TRPM3: variants seen among roughly 807,000 people sequenced by gnomAD.
The protein encoded by TRPM3 is long transient receptor potential channel 3.
Under a neutral mutation model 181.2 loss-of-function variants are expected in TRPM3, and 77 were observed. The ratio of observed to expected loss-of-function variants is 0.42; its 90% CI spans 0.35 to 0.51. The LOEUF is 0.51. Ranked by LOEUF, TRPM3 falls within the 20% of genes least tolerant of loss-of-function variation. TRPM3 has a pLI of 0.01. For missense variants in TRPM3, 1,759 were observed against 2,196.7 expected (o/e 0.80, Z 3.98); for synonymous variants, 745 against 796.4 (o/e 0.94, Z 1.09).
chr9:71,229,635 T>C (rs781745124), intron 1 of TRPM3, among the ~76,000 whole-genome samples: 4 of 152,124 alleles, frequency 2.6e-5, no homozygotes, highest in Non-Finnish European at 4.4e-5. Flanking sequence ...AGGATCTGAA[T>C]AGATATTTCT....
intron 8 of TRPM3, among the ~76,000 whole-genome samples, chr9:70,748,628 G>A (rs1293924941): frequency 6.6e-6 from 1 of 152,090 alleles, no homozygotes; most frequent in Non-Finnish European, 1.5e-5. Context: ...AAAGGCCTGA[G>A]GAAGCTTGCT....
intron 9 of TRPM3, among the ~76,000 whole-genome samples, chr9:70,674,260 A>C (rs1421204735): frequency 6.6e-5 from 10 of 152,180 alleles, no homozygotes. Context: ...ACACTCTGGG[A>C]TAAGTTAGTT....
At chr9:71,398,610 C>T (rs1015789321) in intron 1 of TRPM3, among the ~76,000 whole-genome samples, 1 of 152,168 alleles carries the variant, frequency 6.6e-6, no homozygotes, top group Non-Finnish European at 1.5e-5. Context: ...GTAAAACGTG[C>T]TTATTTCCCC....
chr9:70,611,851 C>CATT (rs1267961646), intron 18 of TRPM3, among the ~76,000 whole-genome samples: 2 of 152,192 alleles, frequency 1.3e-5, no homozygotes, highest in African/African-American at 4.8e-5. Context: ...AGAACAGAAT[C>CATT]ATTTCCTTTT....
intron 1 of TRPM3, among the ~76,000 whole-genome samples, chr9:71,030,076 CACAG>C (rs1315543582): frequency 3.3e-5 from 5 of 152,290 alleles, no homozygotes; most frequent in East Asian, 1.9e-4. Flanking sequence ...TCTAAGTATA[CACAG>C]ACAAATATTA....
At chr9:70,795,543 T>C (rs1414342633) in intron 6 of TRPM3, among the ~76,000 whole-genome samples, 2 of 152,184 alleles carry the variant, frequency 1.3e-5, no homozygotes, top group African/African-American at 4.8e-5. Context: ...TATGCCAAAT[T>C]ATCCAATTCC....
intron 1 of TRPM3, among the ~76,000 whole-genome samples, chr9:71,004,428 G>A (rs1243712470): frequency 2.6e-5 from 4 of 152,204 alleles, no homozygotes; most frequent in South Asian, 2.1e-4. Context: ...TCCGCAATCC[G>A]GGAAGCAACC....
intron 1 of TRPM3, among the ~76,000 whole-genome samples, chr9:71,092,148 G>T (rs2066333798): frequency 6.6e-6 from 1 of 152,108 alleles, no homozygotes; most frequent in African/African-American, 2.4e-5. Context: ...GTACTAAAAT[G>T]AAACAAATAG....
At chr9:71,159,252 G>T (rs1171658183) in intron 1 of TRPM3, among the ~76,000 whole-genome samples, 1 of 151,830 alleles carries the variant, frequency 6.6e-6, no homozygotes, top group Non-Finnish European at 1.5e-5. Flanking sequence ...AGAGCTATTT[G>T]ATAAGCTCTG....
chr9:71,078,225 C>G (rs997663759), intron 1 of TRPM3, among the ~76,000 whole-genome samples: 1 of 151,928 alleles, frequency 6.6e-6, no homozygotes, highest in African/African-American at 2.4e-5. Flanking sequence ...ATCTTTGAAA[C>G]GAAATATACA....
At chr9:71,200,434 C>T (rs1319976676) in intron 1 of TRPM3, among the ~76,000 whole-genome samples, 1 of 150,314 alleles carries the variant, frequency 6.7e-6, no homozygotes, top group Non-Finnish European at 1.5e-5. Flanking sequence ...TCCTTGTTAA[C>T]TTTCTGTCTC....
chr9:70,661,219 A>G (rs1241500470), intron 9 of TRPM3, among the ~76,000 whole-genome samples: 3 of 152,100 alleles, frequency 2.0e-5, no homozygotes, highest in Non-Finnish European at 4.4e-5. Context: ...GCAGAAAAAT[A>G]ATTTGATAAA....
chr9:70,956,968 T>C lies in TRPM3; in HGVS notation c.178-92457A>G, dbSNP rs1362357271. On this transcript the variant is annotated intron_variant, in intron 1 of 25. Transcript: ENST00000677713. ...AGTTACATTTCTTTCTTTCTTTTTT[T>C]TTTTTTTTTTGATACCAAGTCTCAC... Among the ~76,000 whole-genome samples, 378 of 150,870 alleles carry C rather than the reference T, an allele frequency of 2.5e-3. 3 individuals are homozygous for C. The highest frequency in any genetic ancestry group is 5.9e-3 in the African/African-American group (242 of 41,288).
intron 1 of TRPM3, among the ~76,000 whole-genome samples, chr9:71,290,497 T>C (rs2085715924): frequency 6.6e-6 from 1 of 152,036 alleles, no homozygotes; most frequent in Admixed American, 6.6e-5. Context: ...AACAAAGATA[T>C]TTTCAGACCA....
rs150394240 is a variant in TRPM3 at position 71,090,578 on chromosome 9, C to T, written c.177+30600G>A. 5.3e-5 allele frequency among the ~76,000 whole-genome samples: 8 copies of T among 152,264 alleles called. No homozygotes were observed. In the East Asian group the frequency reaches 1.4e-3, roughly 26 times the overall value. Reference sequence around the variant, plus strand: ...ACTGTTGCAGTGCTCTTTCCTCTTGCCTTGGCCAGTACAAAAGCAGTGGGA... The same window carrying T: ...ACTGTTGCAGTGCTCTTTCCTCTTGTCTTGGCCAGTACAAAAGCAGTGGGA... On this transcript the variant is annotated intron_variant, in intron 1 of 25. Transcript: ENST00000677713.
At chr9:71,037,229 G>A (rs1484416556) in intron 1 of TRPM3, among the ~76,000 whole-genome samples, 2 of 152,152 alleles carry the variant, frequency 1.3e-5, no homozygotes, top group African/African-American at 2.4e-5. Flanking sequence ...ATAGCAGCGA[G>A]GAAAGTTTCA....
intron 21 of TRPM3, among the ~76,000 whole-genome samples, chr9:70,592,332 T>C (rs914155690): frequency 6.6e-6 from 1 of 152,218 alleles, no homozygotes; most frequent in Non-Finnish European, 1.5e-5. Flanking sequence ...TTGTTTTGTT[T>C]TTAACTAAAG....
At chr9:71,265,992 C>A (rs2083369231) in intron 1 of TRPM3, among the ~76,000 whole-genome samples, 1 of 152,162 alleles carries the variant, frequency 6.6e-6, no homozygotes, top group Non-Finnish European at 1.5e-5. Context: ...AGTTTGTTGG[C>A]TTGTTTCCTC....
chr9:71,146,458 G>C (rs948674583), intron 1 of TRPM3, among the ~76,000 whole-genome samples: 3 of 152,206 alleles, frequency 2.0e-5, no homozygotes, highest in South Asian at 2.1e-4. Flanking sequence ...CCTAACACTA[G>C]AATTTTTCTG....
Sources: gnomAD v4.1 joint callset for allele counts (sites outside exome capture counted in the v4.1 genomes callset) on GRCh38, gnomAD v4.1.1 for gene constraint, MANE v1.5 for transcripts, NCBI Gene and HGNC (gene_info 2026-07-23, HGNC 2026-07-21) for gene names.